GALNT9: variants seen among roughly 807,000 people sequenced by gnomAD.
The protein encoded by GALNT9 is polypeptide N-acetylgalactosaminyltransferase 9.
A neutral mutation model predicts 63.1 loss-of-function variants in GALNT9; 47 were observed. The observed-to-expected ratio is 0.75, with a 90% CI of 0.59 to 0.95. The LOEUF (loss-of-function observed/expected upper bound fraction) is 0.95, where lower values mean the gene tolerates loss of function less well. Ranked by LOEUF, GALNT9 falls within the 40% of genes least tolerant of loss-of-function variation. GALNT9 has a pLI of 0.00. For synonymous variants in GALNT9, 396 were observed against 365.7 expected (o/e 1.08, Z -0.94); for missense variants, 829 against 874.8 (o/e 0.95, Z 0.66).
intron 5 of GALNT9, among the ~76,000 whole-genome samples, chr12:132,255,444 G>T (rs1555238959): frequency 6.6e-6 from 1 of 152,182 alleles, no homozygotes; most frequent in East Asian, 1.9e-4. Flanking sequence ...AGATTAACCA[G>T]AAGTCTGGCC....
chr12:132,286,322 T>A lies in GALNT9; in HGVS notation c.347A>T (p.Glu116Val). 6.4e-7 allele frequency: 1 copy of A among 1,551,250 alleles called. No homozygotes were observed. Among genetic ancestry groups the A allele is most frequent in the Non-Finnish European group, 8.7e-7 (1 of 1,146,906 alleles). The change falls in exon 2 of 11, where the codon GAG (glutamate) becomes GTG (valine). Residue 116 changes from glutamate to valine, a missense_variant. Coordinates refer to ENST00000328957, the MANE Select transcript of GALNT9 (RefSeq NM_001122636.2). The surrounding 1 kb of genome is among the most constrained non-coding windows in gnomAD (Gnocchi z 7.4). ...GCTGAGCTGAGCGTTGTAGCCGTAC[T>A]CCTCATACTTGCCTTCCGCCTCCTG... ...DGQEAEGKYE[E>V]YGYNAQLSDR...
intron 5 of GALNT9, 95 bp from the exon 6 acceptor site, chr12:132,248,122 A>AC (rs782799011): frequency 8.9e-6 from 13 of 1,463,398 alleles, no homozygotes; most frequent in Non-Finnish European, 1.2e-5. Flanking sequence ...AGACCCCACC[A>AC]CCCCTCCCTC....
chr12:132,233,063 C>T (rs1189294337), intron 6 of GALNT9, among the ~76,000 whole-genome samples: 6 of 6,520 alleles, frequency 9.2e-4, no homozygotes, highest in Admixed American at 2.1e-3. Context: ...GAGGAGACAG[C>T]GTGGAGTCCC....
intron 6 of GALNT9, among the ~76,000 whole-genome samples, chr12:132,219,249 G>A (rs1394203789): frequency 6.6e-6 from 1 of 152,226 alleles, no homozygotes; most frequent in Non-Finnish European, 1.5e-5. Flanking sequence ...GCCCGCTGCA[G>A]CTGTGACGGA....
chr12:132,200,777 T>C (rs1876001600), intron 8 of GALNT9: 3 of 247,226 alleles, frequency 1.2e-5, no homozygotes, highest in South Asian at 9.6e-5. Flanking sequence ...CGTAGGTACA[T>C]TGAATCAGGC....
intron 6 of GALNT9, among the ~76,000 whole-genome samples, chr12:132,209,831 CA>C (rs1301863993): frequency 1.9e-4 from 29 of 152,274 alleles, no homozygotes; most frequent in African/African-American, 6.7e-4. Context: ...AGCAAATGAT[CA>C]AAAAATAACC....
rs1880259131 is a variant in GALNT9, at chr12:132,279,746, T to C, written c.419+6504A>G. The C allele has an allele frequency of 6.6e-6, 1 of 152,340 alleles. No homozygotes were observed. 9.4% of individuals were successfully genotyped at this position (152,340 alleles called of 1,614,324 possible). ...TGGGGAGAAGAACATCCCAGTGCGG[T>C]CACTTCCTGGATCCAATTCCTGGAT... On this transcript the variant is annotated intron_variant, in intron 2 of 10. Transcript: ENST00000328957. This position sits in a 1 kb window ranked among gnomAD's most constrained non-coding sequence, Gnocchi z 4.1.
chr12:132,260,071 C>T (rs1444195168), intron 4 of GALNT9, among the ~76,000 whole-genome samples: 4 of 151,216 alleles, frequency 2.6e-5, no homozygotes, highest in African/African-American at 9.8e-5. Flanking sequence ...ACTATGGACC[C>T]CGTAGGTGCC....
At chr12:132,328,796 G>A (rs1378514769) in intron 1 of GALNT9, among the ~76,000 whole-genome samples, 170 bp downstream of exon 1, 1 of 152,210 alleles carries the variant, frequency 6.6e-6, no homozygotes. Flanking sequence ...CCAGGTTGCT[G>A]CCCGCTGCTG....
chr12:132,317,314 G>C (rs1868559223), intron 1 of GALNT9, among the ~76,000 whole-genome samples: 1 of 152,188 alleles, frequency 6.6e-6, no homozygotes, highest in Non-Finnish European at 1.5e-5. Flanking sequence ...GGGTCAGCTT[G>C]CCCAGCTTCG....
intron 1 of GALNT9, among the ~76,000 whole-genome samples, chr12:132,312,546 G>A (rs1305948864): frequency 6.6e-6 from 1 of 152,220 alleles, no homozygotes; most frequent in Non-Finnish European, 1.5e-5. Flanking sequence ...CTCTGATGGT[G>A]CACACACCTG....
intron 6 of GALNT9, among the ~76,000 whole-genome samples, chr12:132,225,439 ACACAC>A (rs1358507519): frequency 4.1e-5 from 6 of 147,044 alleles, no homozygotes; most frequent in Non-Finnish European, 7.5e-5. Context: ...CCCCCCACAC[ACACAC>A]CACACAACTG....
At position 132,316,624 on chromosome 12, in the gene GALNT9, C is replaced by T. The variant is rs1213896054; in HGVS notation, c.238+12342G>A. Among the ~76,000 whole-genome samples, 2 of 151,966 alleles carry T rather than the reference C, an allele frequency of 1.3e-5. No homozygotes were observed. The highest frequency in any genetic ancestry group is 4.8e-5 in the African/African-American group (2 of 41,314). On this transcript the variant is annotated intron_variant, in intron 1 of 10. Transcript: ENST00000328957. The surrounding 1 kb of genome is among the most constrained non-coding windows in gnomAD (Gnocchi z 4.3). ...TCCCTCCTCCTGCCAGGGTGTGTCC[C>T]TGCTCTCTTTCCTCCGCTTCAGCAA...
At chr12:132,303,375 C>G (rs1268820864) in intron 1 of GALNT9, among the ~76,000 whole-genome samples, 3 of 147,460 alleles carry the variant, frequency 2.0e-5, no homozygotes, top group African/African-American at 7.9e-5. Flanking sequence ...GAAGCAGCAC[C>G]CTCTCCGGGG....
intron 1 of GALNT9, among the ~76,000 whole-genome samples, chr12:132,307,606 G>C (rs1325890676): frequency 6.6e-6 from 1 of 151,800 alleles, no homozygotes; most frequent in East Asian, 1.9e-4. Flanking sequence ...GGCCAAGGCG[G>C]GTGGATCACC....
Position 132,261,103 on chromosome 12 carries a change from C to T in GALNT9, c.606G>A (p.Leu202=). Residue 202 remains leucine (L), a synonymous_variant, in exon 4 of 11, where the codon CTG becomes CTA. Coordinates refer to ENST00000328957, the MANE Select transcript of GALNT9 (RefSeq NM_001122636.2). ...NSDNVELKFN[L]DQYVNKRYPG... The stretch of plus-strand genomic sequence containing the variant: ...GGTACCGCTTGTTGACGTACTGGTC[C>T]AGATTGAACTTGAGTTCCACTGAGG... 1.3e-6 allele frequency: 2 copies of T among 1,551,470 alleles called. No individual in the cohort carries two copies. The highest frequency in any genetic ancestry group is 1.7e-6 in the Non-Finnish European group (2 of 1,146,952).
intron 9 of GALNT9, among the ~76,000 whole-genome samples, chr12:132,198,685 C>T (rs1012968652): frequency 1.3e-5 from 2 of 152,172 alleles, no homozygotes; most frequent in Non-Finnish European, 2.9e-5. Flanking sequence ...GAGATACGGT[C>T]TCGCTCTGTT....
In GALNT9 at chr12:132,327,355, A is replaced by T. The variant is rs1285729329; in HGVS notation, c.238+1611T>A. The stretch of plus-strand genomic sequence containing the variant: ...TCTCCCGCCAATGTCAGCAAAGCGG[A>T]TCATGGGTCCTGGCTTTTTCCACCA... On this transcript the variant is annotated intron_variant, in intron 1 of 10. Coordinates refer to ENST00000328957, the MANE Select transcript of GALNT9 (RefSeq NM_001122636.2). The surrounding 1 kb of genome is among the most constrained non-coding windows in gnomAD (Gnocchi z 4.3). Among the ~76,000 whole-genome samples the T allele has an allele frequency of 2.0e-5, 3 of 151,920 alleles. No homozygotes were observed. The highest frequency in any genetic ancestry group is 7.3e-5 in the African/African-American group (3 of 41,356).
At chr12:132,291,340 A>ACAGCACCCACGT (rs1880826265) in intron 1 of GALNT9, among the ~76,000 whole-genome samples, 1 of 9,274 alleles carries the variant, frequency 1.1e-4, no homozygotes, top group Non-Finnish European at 1.8e-4. Context: ...AGCACCCACA[A>ACAGCACCCACGT]CCACAGCACC....
Sources: allele counts gnomAD v4.1 joint callset (sites outside exome capture counted in the v4.1 genomes callset), GRCh38; gene constraint gnomAD v4.1.1; non-coding constraint Gnocchi (gnomAD v3.1); transcripts MANE v1.5; gene names NCBI Gene and HGNC (gene_info 2026-07-23, HGNC 2026-07-21).